Variants in FAT1 observed in about 807,000 individuals in gnomAD.
FAT1 encodes the protein protocadherin Fat 1.
FAT1 carries 171 observed loss-of-function variants against 329.8 expected under a neutral mutation model. The ratio of observed to expected loss-of-function variants is 0.52; its 90% CI spans 0.46 to 0.59. The LOEUF (loss-of-function observed/expected upper bound fraction) is 0.59, where lower values mean the gene tolerates loss of function less well. Ranked by LOEUF, FAT1 falls within the 20% of genes least tolerant of loss-of-function variation. The pLI, the probability that FAT1 is intolerant of heterozygous loss-of-function variation, is 0.00. For missense variants in FAT1, 5,672 were observed against 5,774.4 expected (o/e 0.98, Z 0.57); for synonymous variants, 2,233 against 2,228.6 (o/e 1.00, Z -0.06).
chr4:186,654,330 A>C (rs6830563), intron 3 of FAT1, among the ~76,000 whole-genome samples: 53,601 of 152,152 alleles, frequency 0.35, 9,777 homozygotes, highest in Middle Eastern at 0.43. Flanking sequence ...ACTCCTAACG[A>C]AAGTTCTGTT....
chr4:186,621,463 T>A lies in FAT1; in HGVS notation c.5123A>T (p.Asp1708Val), dbSNP rs370814801. ...AGAATGTGGATTAATATCAAAAGCA[T>A]CACCTGTATTTCCATCTTTTATTTC... The part of the protein sequence containing the change: ...VYEIKDGNTG[D>V]AFDINPHSGT... The change falls in exon 10 of 27, where the codon GAT becomes GTT. Residue 1708 changes from aspartate to valine, a missense_variant. Transcript: ENST00000441802. The A allele has an allele frequency of 6.2e-7, 1 of 1,613,930 alleles. No homozygotes were observed. Among genetic ancestry groups the A allele is most frequent in the African/African-American group, 1.3e-5 (1 of 74,942 alleles).
chr4:186,647,828 G>A (rs1260793386), intron 3 of FAT1, among the ~76,000 whole-genome samples: 1 of 152,142 alleles, frequency 6.6e-6, no homozygotes, highest in Non-Finnish European at 1.5e-5. Context: ...ATTTCTTCAG[G>A]AGTTGTTACT....
intron 2 of FAT1, among the ~76,000 whole-genome samples, chr4:186,693,662 G>A (rs572344934): frequency 4.8e-5 from 5 of 104,322 alleles, no homozygotes; most frequent in African/African-American, 2.1e-4. Flanking sequence ...AGCCCAAATC[G>A]CCCACCCACA....
intron 9 of FAT1, among the ~76,000 whole-genome samples, chr4:186,624,634 T>C (rs1271309782): frequency 6.6e-6 from 1 of 152,176 alleles, no homozygotes; most frequent in Non-Finnish European, 1.5e-5. Flanking sequence ...AATTAACTCC[T>C]TTTTCCCTGA....
intron 2 of FAT1, among the ~76,000 whole-genome samples, chr4:186,675,235 TAAA>T (rs1742896695): frequency 6.6e-6 from 1 of 151,864 alleles, no homozygotes; most frequent in Non-Finnish European, 1.5e-5. Context: ...AAATCAGCTG[TAAA>T]AGTTTTGTGG....
rs570883030 is a variant in FAT1 at position 186,715,301 on chromosome 4, C to T, written c.-18-5456G>A. The stretch of plus-strand genomic sequence containing the variant: ...AACTGGATTCCCAAACATGCAATTA[C>T]CTTCCACATCCTACTCAGCAGTTCT... On this transcript the variant is annotated intron_variant, in intron 1 of 26. Coordinates refer to ENST00000441802, the MANE Select transcript of FAT1 (RefSeq NM_005245.4). 2.2e-3 allele frequency among the ~76,000 whole-genome samples: 315 copies of T among 144,514 alleles called. 2 individuals are homozygous for T. The highest frequency in any genetic ancestry group is 4.1e-3 in the Non-Finnish European group (266 of 65,544). 94.8% of individuals were successfully genotyped at this position (144,514 alleles called of 152,430 possible).
At chr4:186,666,479 A>G (rs952006721) in intron 2 of FAT1, among the ~76,000 whole-genome samples, 45 of 152,222 alleles carry the variant, frequency 3.0e-4, no homozygotes, top group Non-Finnish European at 5.0e-4. Context: ...CACATTAACA[A>G]AATGTACACA....
At chr4:186,606,430 T>C (rs1204690004) in intron 16 of FAT1, among the ~76,000 whole-genome samples, 1 of 152,178 alleles carries the variant, frequency 6.6e-6, no homozygotes, top group Non-Finnish European at 1.5e-5. Context: ...GATTAGATTC[T>C]CTGATGCCTC....
Position 186,617,211 on chromosome 4 carries a change from C to A in FAT1, c.8879-10G>T, listed in dbSNP as rs758788242. On this transcript the variant is annotated splice_polypyrimidine_tract_variant and intron_variant, in intron 10 of 26. Transcript: ENST00000441802. The stretch of plus-strand genomic sequence containing the variant: ...CCTAAAGGATCCCCTCCTATTAAAT[C>A]AATGGAGGAAGATAATAATCAAATT... The A allele has an allele frequency of 4.6e-6, 7 of 1,525,852 alleles. No homozygotes were observed. The highest frequency in any genetic ancestry group is 4.1e-5 in the Admixed American group (2 of 48,270). 94.5% of individuals were successfully genotyped at this position (1,525,852 alleles called of 1,614,324 possible). A position where few individuals can be genotyped will look rare whatever the true frequency, so the allele number is the denominator to read the frequency against.
Position 186,620,376 on chromosome 4 carries a change from A to G in FAT1, c.6210T>C (p.Ile2070=). 6.2e-7 allele frequency: 1 copy of G among 1,613,988 alleles called. No homozygotes were observed. The change falls in exon 10 of 27, where the codon ATT becomes ATC. Residue 2070 remains isoleucine (I), a synonymous_variant. Coordinates refer to ENST00000441802, the MANE Select transcript of FAT1 (RefSeq NM_005245.4). ...GCGCATTATCATTTTGGTCTTCTAC[A>G]ATGACCTTCACGACAACGTGGGCCA... ...SAVAHVVVKV[I]VEDQNDNAPV...
Position 186,595,805 on chromosome 4 carries a change from G to A in FAT1, c.13022C>T (p.Pro4341Leu), listed in dbSNP as rs774732432. Reference sequence around the variant, plus strand: ...CTCTAGAGGCTTCTTGGAAAGACAGGGATCAAGATCCACCACTTTTGCTAA... The same window carrying A: ...CTCTAGAGGCTTCTTGGAAAGACAGAGATCAAGATCCACCACTTTTGCTAA... ...DYDTKVVDLDPCLSKKPLEEK... is the reference protein window; with the variant it reads ...DYDTKVVDLDLCLSKKPLEEK... The change falls in exon 26 of 27, where the codon CCC becomes CTC. Residue 4341 changes from proline to leucine, a missense_variant. Transcript: ENST00000441802. 23 of 1,613,710 alleles carry A rather than the reference G, an allele frequency of 1.4e-5. No homozygotes were observed. Among genetic ancestry groups the A allele is most frequent in the Admixed American group, 1.7e-5 (1 of 59,990 alleles).
intron 3 of FAT1, among the ~76,000 whole-genome samples, chr4:186,643,256 G>A (rs184092943): frequency 3.0e-4 from 45 of 152,240 alleles, no homozygotes; most frequent in East Asian, 1.2e-3. Flanking sequence ...GGACGGCACC[G>A]GTCTACTCAG....
intron 2 of FAT1, among the ~76,000 whole-genome samples, chr4:186,680,944 C>G (rs1743180793): frequency 1.3e-5 from 2 of 152,174 alleles, no homozygotes; most frequent in Admixed American, 1.3e-4. Flanking sequence ...GATACTATCT[C>G]AGAGTTAATG....
chr4:186,619,051 A>G lies in FAT1; in HGVS notation c.7535T>C (p.Met2512Thr). 6.2e-7 allele frequency: 1 copy of G among 1,614,012 alleles called. No homozygotes were observed. The highest frequency in any genetic ancestry group is 1.1e-5 in the South Asian group (1 of 91,084). Residue 2512 changes from methionine (M) to threonine (T), a missense_variant, in exon 10 of 27, where the codon ATG becomes ACG. Physicochemically the swap from Met to Thr is moderately conservative, Grantham distance 81. This residue lies in a region of FAT1 where 3,966 missense variants were observed against 3,915.2 expected (regional missense o/e 1.01). Transcript: ENST00000441802. ...AENAPLHTLV[M>T]EVKTTDGDSG... ...ATCCCCATCCGTAGTTTTCACCTCC[A>G]TCACCAGGGTATGTAGGGGAGCGTT...
At chr4:186,639,819 A>G (rs372305725) in intron 3 of FAT1, 36 bp from the exon 4 acceptor site, 6 of 1,526,502 alleles carry the variant, frequency 3.9e-6, no homozygotes, top group Non-Finnish European at 5.4e-6. Context: ...TCCTCACAAA[A>G]TAAGGTCAAT....
At chr4:186,686,245 C>T (rs370031078) in intron 2 of FAT1, among the ~76,000 whole-genome samples, 1 of 146,912 alleles carries the variant, frequency 6.8e-6, no homozygotes, top group Non-Finnish European at 1.5e-5. Context: ...TTCACCCCCC[C>T]CCGACATTCT....
At chr4:186,675,291 A>C (rs1742898787) in intron 2 of FAT1, among the ~76,000 whole-genome samples, 1 of 149,854 alleles carries the variant, frequency 6.7e-6, no homozygotes, top group South Asian at 2.1e-4. Flanking sequence ...TCTTTAGGAA[A>C]GAAATCTCAT....
chr4:186,638,820 T>C (rs1740963175), intron 4 of FAT1, among the ~76,000 whole-genome samples: 1 of 152,064 alleles, frequency 6.6e-6, no homozygotes, highest in Admixed American at 6.5e-5. Flanking sequence ...AGAGCACTGA[T>C]AACTCAATTA....
chr4:186,709,406 T>C lies in FAT1; in HGVS notation c.422A>G (p.Asp141Gly). The C allele has an allele frequency of 6.2e-7, 1 of 1,613,976 alleles. No individual in the cohort carries two copies. Reference protein sequence around the residue: ...ARTKVRVQVLDTNDLRPLFSP... With the variant: ...ARTKVRVQVLGTNDLRPLFSP... ...GAATAACGGTCTCAAGTCATTTGTA[T>C]CCAGCACCTGCACCCTGACCTTTGT... The change falls in exon 2 of 27, where the codon GAT becomes GGT. Residue 141 changes from aspartate (D) to glycine (G), a missense_variant. Around this residue, in one of 2 missense-constraint regions of FAT1, gnomAD observed 3,966 missense variants for 3,915.2 expected, o/e 1.01. Coordinates refer to ENST00000441802, the MANE Select transcript of FAT1 (RefSeq NM_005245.4).
Sources: allele counts gnomAD v4.1 joint callset (sites outside exome capture counted in the v4.1 genomes callset), GRCh38; gene constraint gnomAD v4.1.1; regional missense constraint gnomAD v4.1.1; transcripts MANE v1.5; gene names NCBI Gene and HGNC (gene_info 2026-07-23, HGNC 2026-07-21).